The following PPP1R3A variants were observed in gnomAD, a reference collection of about 807,000 sequenced individuals.
PPP1R3A encodes RG1.
Under a neutral mutation model 41.7 loss-of-function variants are expected in PPP1R3A, and 29 were observed. The observed-to-expected ratio is 0.70, with a 90% CI of 0.52 to 0.95. PPP1R3A has a LOEUF of 0.95. Ranked by LOEUF, PPP1R3A falls within the 40% of genes least tolerant of loss-of-function variation. The probability of loss-of-function intolerance (pLI) is 0.00; values close to 1 mark genes in which losing one functional copy is unlikely to be tolerated. For synonymous variants in PPP1R3A, 485 were observed against 453.4 expected, an observed-to-expected ratio of 1.07 and a Z score of -0.89; for missense variants, 1,352 against 1,292.4, an observed-to-expected ratio of 1.05 and a Z score of -0.71.
chr7:113,885,595 C>G (rs1371296327), intron 1 of PPP1R3A, among the ~76,000 whole-genome samples: 7 of 151,576 alleles, frequency 4.6e-5, no homozygotes, highest in Admixed American at 4.6e-4. Flanking sequence ...TTGAATCAAC[C>G]CAAATCAACA....
chr7:113,891,098 A>C lies in PPP1R3A; in HGVS notation c.783-8778T>G, dbSNP rs1021686664. Among the ~76,000 whole-genome samples, 5 of 149,568 alleles carry C rather than the reference A, an allele frequency of 3.3e-5. No homozygotes were observed. The East Asian group carries it at 5.9e-4, about 18-fold the overall frequency. On this transcript the variant is annotated intron_variant, in intron 1 of 3. Coordinates refer to ENST00000284601, the MANE Select transcript of PPP1R3A (RefSeq NM_002711.4). ...TGGAAAAAAAGCAAAAAAAAAAAAA[A>C]AAAAAAAAAAAAAAAACCCTGCATG... is the stretch of plus-strand genomic sequence containing the variant.
At chr7:113,895,049 C>T (rs1261242052) in intron 1 of PPP1R3A, among the ~76,000 whole-genome samples, 2 of 151,916 alleles carry the variant, frequency 1.3e-5, no homozygotes, top group Non-Finnish European at 2.9e-5. Context: ...GGTGTGAGCT[C>T]ACAGCATCAA....
At chr7:113,885,126 T>G (rs564960797) in intron 1 of PPP1R3A, among the ~76,000 whole-genome samples, 1 of 152,270 alleles carries the variant, frequency 6.6e-6, no homozygotes, top group Non-Finnish European at 1.5e-5. Context: ...CAATCTTAGC[T>G]CATTGCAACT....
At chr7:113,894,363 A>C (rs1796944427) in intron 1 of PPP1R3A, among the ~76,000 whole-genome samples, 2 of 152,010 alleles carry the variant, frequency 1.3e-5, no homozygotes. Flanking sequence ...ATACTGGAAC[A>C]ACTGAATATA....
intron 1 of PPP1R3A, among the ~76,000 whole-genome samples, chr7:113,895,796 C>T (rs1036181356): frequency 6.6e-6 from 1 of 151,838 alleles, no homozygotes; most frequent in African/African-American, 2.4e-5. Context: ...TTGTATTTAA[C>T]AGCATTTGAA....
At chr7:113,915,763 A>G (rs1445397794) in intron 1 of PPP1R3A, among the ~76,000 whole-genome samples, 1 of 151,814 alleles carries the variant, frequency 6.6e-6, no homozygotes. Context: ...TAGTAGCTAT[A>G]ATTTTTGATC....
intron 1 of PPP1R3A, among the ~76,000 whole-genome samples, chr7:113,896,857 T>C (rs1796984856): frequency 7.0e-6 from 1 of 143,646 alleles, no homozygotes; most frequent in Non-Finnish European, 1.5e-5. Context: ...ACATTCCCTT[T>C]TGAAAAAATA....
In PPP1R3A at chr7:113,878,560, A is replaced by C. The variant is rs756163979; in HGVS notation, c.2532T>G (p.Ser844=). The C allele has an allele frequency of 6.2e-7, 1 of 1,613,636 alleles. No individual in the cohort carries two copies. Among genetic ancestry groups the C allele is most frequent in the Non-Finnish European group, 8.5e-7 (1 of 1,179,728 alleles). The change falls in exon 4 of 4, where the codon TCT becomes TCG. Residue 844 remains serine, a synonymous_variant. Transcript: ENST00000284601. The stretch of plus-strand genomic sequence containing the variant: ...TAATGACCCATGAGGATTCTTCCAC[A>C]GATGTTATATTTCCAGTGCCACATT... The part of the protein sequence containing the change: ...REKCGTGNIT[S]VEESSWVITE...
Position 113,879,764 on chromosome 7 carries a change from T to A in PPP1R3A, c.1328A>T (p.Asn443Ile), listed in dbSNP as rs757874684. 4 of 1,613,306 alleles carry A rather than the reference T, an allele frequency of 2.5e-6. No homozygotes were observed. The highest frequency in any genetic ancestry group is 1.7e-5 in the Admixed American group (1 of 59,900). The change falls in exon 4 of 4, where the codon AAT becomes ATT. Residue 443 changes from asparagine (N) to isoleucine (I), a missense_variant. Coordinates refer to ENST00000284601, the MANE Select transcript of PPP1R3A (RefSeq NM_002711.4). ...GSKEVLDDNA[N>I]PAHGNGTVQI... Reference sequence around the variant, plus strand: ...CACTGTGCCATTGCCATGGGCTGGATTAGCATTATCATCCAGGACTTCTTT... The same window carrying A: ...CACTGTGCCATTGCCATGGGCTGGAATAGCATTATCATCCAGGACTTCTTT...
rs1796640944 is a variant in PPP1R3A at position 113,879,401 on chromosome 7, G to A, written c.1691C>T (p.Thr564Ile). ...GATTGCGGTATGTTCGCTCAGCAGA[G>A]TAGCCAGGTCTCTGTTACTAGCTCC... ...GIGASNRDLA[T>I]LLSEHTAIPT... is the part of the protein sequence containing the mutation. Residue 564 changes from threonine (T) to isoleucine (I), a missense_variant, in exon 4 of 4, where the codon ACT becomes ATT. Physicochemically the swap from Thr to Ile is moderately conservative, Grantham distance 89. Transcript: ENST00000284601. The A allele has an allele frequency of 6.2e-7, 1 of 1,613,418 alleles. No individual in the cohort carries two copies. Among genetic ancestry groups the A allele is most frequent in the South Asian group, 1.1e-5 (1 of 91,070 alleles).
chr7:113,898,081 TATG>T (rs1378494994), intron 1 of PPP1R3A, among the ~76,000 whole-genome samples: 59 of 151,954 alleles, frequency 3.9e-4, no homozygotes, highest in African/African-American at 1.4e-3. Context: ...GTCTATTGGA[TATG>T]ATACCAATTC....
At chr7:113,914,832 G>A (rs1345713476) in intron 1 of PPP1R3A, among the ~76,000 whole-genome samples, 1 of 152,124 alleles carries the variant, frequency 6.6e-6, no homozygotes, top group African/African-American at 2.4e-5. Context: ...TTGCTAGCAT[G>A]TAGGAGAGCT....
At chr7:113,885,647 T>G (rs1796772450) in intron 1 of PPP1R3A, among the ~76,000 whole-genome samples, 1 of 151,630 alleles carries the variant, frequency 6.6e-6, no homozygotes, top group African/African-American at 2.4e-5. Context: ...AAAAGGAATA[T>G]TATACAACAA....
Position 113,878,846 on chromosome 7 carries a change from T to G in PPP1R3A, c.2246A>C (p.Lys749Thr). Residue 749 changes from lysine to threonine, a missense_variant, in exon 4 of 4, where the codon AAA becomes ACA. By Grantham distance (78) the Lys-to-Thr change is moderately conservative (BLOSUM62 -1). Coordinates refer to ENST00000284601, the MANE Select transcript of PPP1R3A (RefSeq NM_002711.4). ...TTGAGGTAGCTTAGCAATTATTGCT[T>G]TTTCTCTAGCAGACATGCTTTCTGG... ...STPESMSARE[K>T]AIIAKLPQET... is the part of the protein sequence containing the mutation. 6.2e-7 allele frequency: 1 copy of G among 1,613,290 alleles called. No individual in the cohort carries two copies.
chr7:113,894,777 A>G (rs1796951257), intron 1 of PPP1R3A, among the ~76,000 whole-genome samples: 1 of 152,000 alleles, frequency 6.6e-6, no homozygotes, highest in African/African-American at 2.4e-5. Context: ...CGGAATCTAC[A>G]GCAAACTTCA....
intron 1 of PPP1R3A, among the ~76,000 whole-genome samples, chr7:113,895,916 C>T (rs139703426): frequency 6.6e-6 from 1 of 151,776 alleles, no homozygotes; most frequent in Non-Finnish European, 1.5e-5. Context: ...TTTGTCAATT[C>T]TTCACAATAG....
At chr7:113,903,290 A>C (rs1300244661) in intron 1 of PPP1R3A, among the ~76,000 whole-genome samples, 1 of 151,816 alleles carries the variant, frequency 6.6e-6, no homozygotes, top group African/African-American at 2.4e-5. Flanking sequence ...TCACCCGTGA[A>C]ATAGGTATAG....
chr7:113,913,734 G>A (rs536831700), intron 1 of PPP1R3A, among the ~76,000 whole-genome samples: 3 of 152,104 alleles, frequency 2.0e-5, no homozygotes, highest in Non-Finnish European at 4.4e-5. Flanking sequence ...CCACCCCCCA[G>A]GCCAGTAAGT....
At chr7:113,892,706 T>G (rs1194205445) in intron 1 of PPP1R3A, among the ~76,000 whole-genome samples, 1 of 152,014 alleles carries the variant, frequency 6.6e-6, no homozygotes, top group Non-Finnish European at 1.5e-5. Flanking sequence ...GATGAAAAGA[T>G]GCATTAGGTT....
Sources: allele counts gnomAD v4.1 joint callset (sites outside exome capture counted in the v4.1 genomes callset), GRCh38; gene constraint gnomAD v4.1.1; transcripts MANE v1.5; gene names NCBI Gene and HGNC (gene_info 2026-07-23, HGNC 2026-07-21).